Variants in ABCA13 observed in about 807,000 individuals in gnomAD.
ABCA13 encodes ATP-binding cassette sub-family A member 13.
Under a neutral mutation model 478.7 loss-of-function variants are expected in ABCA13, and 476 were observed. The observed-to-expected ratio is 0.99, with a 90% confidence interval of 0.92 to 1.07. ABCA13 has a LOEUF of 1.07. Among genes scored for constraint, ABCA13 ranks in the 50% least tolerant of loss-of-function variants. The probability of loss-of-function intolerance (pLI) is 0.00; values close to 1 mark genes in which losing one functional copy is unlikely to be tolerated. For missense variants in ABCA13, 6,060 were observed against 5,910.6 expected, an observed-to-expected ratio of 1.03 and a Z score of -0.83; for synonymous variants, 2,252 against 2,158.9, an observed-to-expected ratio of 1.04 and a Z score of -1.20.
chr7:48,417,042 T>C (rs1296049250), intron 41 of ABCA13, among the ~76,000 whole-genome samples: 1 of 152,182 alleles, frequency 6.6e-6, no homozygotes, highest in Non-Finnish European at 1.5e-5. Context: ...TAATTTCTTT[T>C]ACAAAAATGT....
intron 42 of ABCA13, among the ~76,000 whole-genome samples, chr7:48,428,870 G>T (rs544657885): frequency 6.6e-6 from 1 of 152,192 alleles, no homozygotes; most frequent in South Asian, 2.1e-4. Flanking sequence ...TCAGAGTTCT[G>T]CATTCATCAC....
At chr7:48,321,365 G>C (rs548269119) in intron 27 of ABCA13, among the ~76,000 whole-genome samples, 1 of 152,152 alleles carries the variant, frequency 6.6e-6, no homozygotes, top group African/African-American at 2.4e-5. Context: ...GGGAAGAGAA[G>C]GATGAAAGTA....
At chr7:48,344,059 T>C (rs1445311209) in intron 29 of ABCA13, among the ~76,000 whole-genome samples, 5 of 152,254 alleles carry the variant, frequency 3.3e-5, no homozygotes, top group Non-Finnish European at 5.9e-5. Flanking sequence ...GGTGATATTA[T>C]GTGTGAAGCA....
chr7:48,291,312 G>T (rs1280514708), intron 20 of ABCA13, among the ~76,000 whole-genome samples: 6 of 152,182 alleles, frequency 3.9e-5, no homozygotes, highest in Non-Finnish European at 7.3e-5. Flanking sequence ...AGACGGGCTT[G>T]AGCTGAGCAC....
At chr7:48,493,171 C>T (rs910389681) in intron 48 of ABCA13, among the ~76,000 whole-genome samples, 1 of 152,084 alleles carries the variant, frequency 6.6e-6, no homozygotes, top group African/African-American at 2.4e-5. Context: ...GTTTATACTA[C>T]TGATGTTTGT....
rs1796031174 is a variant in ABCA13 at position 48,274,473 on chromosome 7, T to C, written c.4807T>C (p.Tyr1603His). The change falls in exon 17 of 62, where the codon TAC becomes CAC. Residue 1603 changes from tyrosine to histidine, a missense_variant. Physicochemically the swap from Tyr to His is moderately conservative, Grantham distance 83. Coordinates refer to ENST00000435803, the MANE Select transcript of ABCA13 (RefSeq NM_152701.5). ...VGNSIYHLAS[Y>H]LAFSLSHDLQ... The stretch of plus-strand genomic sequence containing the variant: ...CAATTCCATTTATCACTTAGCTAGT[T>C]ACCTTGCCTTCAGCTTATCTCATGA... 1.2e-6 allele frequency: 2 copies of C among 1,613,800 alleles called. No homozygotes were observed. The highest frequency in any genetic ancestry group is 1.7e-6 in the Non-Finnish European group (2 of 1,179,842).
chr7:48,379,222 T>A (rs149359000), intron 35 of ABCA13, among the ~76,000 whole-genome samples: 4 of 152,366 alleles, frequency 2.6e-5, no homozygotes, highest in African/African-American at 9.6e-5. Flanking sequence ...ATTTGCATAT[T>A]CTTAAATTGC....
intron 59 of ABCA13, among the ~76,000 whole-genome samples, chr7:48,640,558 G>A (rs781273268): frequency 4.1e-4 from 62 of 152,008 alleles, no homozygotes; most frequent in Non-Finnish European, 6.9e-4. Context: ...TTTAATCACC[G>A]ATTATACAAA....
chr7:48,521,266 G>A (rs62447315), intron 53 of ABCA13, among the ~76,000 whole-genome samples: 6 of 152,126 alleles, frequency 3.9e-5, no homozygotes, highest in Admixed American at 6.5e-5. Flanking sequence ...ATGTATTTCC[G>A]TCTGACCTCT....
intron 20 of ABCA13, among the ~76,000 whole-genome samples, chr7:48,293,035 A>G (rs937101528): frequency 1.2e-4 from 18 of 152,228 alleles, no homozygotes; most frequent in Admixed American, 7.9e-4. Context: ...ACAATAATAG[A>G]TGAATTAGAG....
Position 48,412,482 on chromosome 7 carries a change from A to G in ABCA13, c.12358A>G (p.Thr4120Ala). 6.2e-7 allele frequency: 1 copy of G among 1,613,684 alleles called. No individual in the cohort carries two copies. The highest frequency in any genetic ancestry group is 1.3e-5 in the African/African-American group (1 of 74,944). Residue 4120 changes from threonine (T) to alanine (A), a missense_variant, in exon 41 of 62, where the codon ACA (threonine) becomes GCA (alanine). Thr to Ala is a moderately conservative substitution (Grantham distance 58). Around this residue, in one of 3 missense-constraint regions of ABCA13, gnomAD observed 1,627 missense variants for 1,571.0 expected, o/e 1.04. Coordinates refer to ENST00000435803, the MANE Select transcript of ABCA13 (RefSeq NM_152701.5). Reference sequence around the variant, plus strand: ...GCTGACCTACACCATTCCAAAGGACACAGACAAGGCCTGCTTGAAAGGGCT... The same window carrying G: ...GCTGACCTACACCATTCCAAAGGACGCAGACAAGGCCTGCTTGAAAGGGCT... ...SELTYTIPKDTDKACLKGLFQ... is the reference protein window; with the variant it reads ...SELTYTIPKDADKACLKGLFQ...
chr7:48,413,256 C>T (rs1819520044), intron 41 of ABCA13, among the ~76,000 whole-genome samples: 1 of 152,194 alleles, frequency 6.6e-6, no homozygotes, highest in Admixed American at 6.5e-5. Context: ...CTGGGAGTCT[C>T]TGGCCCCATG....
chr7:48,264,831 G>C (rs767150199), intron 15 of ABCA13, among the ~76,000 whole-genome samples: 1 of 151,566 alleles, frequency 6.6e-6, no homozygotes, highest in Non-Finnish European at 1.5e-5. Flanking sequence ...TGCTTTTGGT[G>C]TTGTAGCTAA....
At position 48,240,984 on chromosome 7, in the gene ABCA13, G is replaced by T. The variant is rs1235297497; in HGVS notation, c.1180G>T (p.Glu394Ter). The change falls in exon 10 of 62, where the codon GAA (glutamate) becomes TAA (stop). Residue 394 changes from glutamate to a stop codon, truncating the protein, a stop_gained. Coordinates refer to ENST00000435803, the MANE Select transcript of ABCA13 (RefSeq NM_152701.5). LOFTEE classifies it high-confidence loss of function. ...EEESKPWKVV[E>*]ALHTALLLLN... ...AGAGAGCAAGCCCTGGAAGGTGGTG[G>T]AAGCTCTGCACACTGCACTGCTCCT... 13 of 1,613,994 alleles carry T rather than the reference G, an allele frequency of 8.1e-6. No homozygotes were observed. In the East Asian group the frequency reaches 2.9e-4, roughly 36 times the overall value.
At chr7:48,171,639 C>A in intron 1 of ABCA13, 87 bp downstream of exon 1, 1 of 1,419,220 alleles carries the variant, frequency 7.0e-7, no homozygotes, top group Non-Finnish European at 9.6e-7. Context: ...CCTCTGCCTC[C>A]TGGCAGGTAA....
In ABCA13 at chr7:48,516,081, A is replaced by G. The variant is rs566789619; in HGVS notation, c.13641-644A>G. ...GTCTTTGAAAAATACCGTGGAATGT[A>G]TTATGTAAAGTTCATTTCTGTTCAC... On this transcript the variant is annotated intron_variant, in intron 51 of 61. Transcript: ENST00000435803. 2.6e-5 allele frequency among the ~76,000 whole-genome samples: 4 copies of G among 152,244 alleles called. No homozygotes were observed. In the East Asian group the frequency reaches 7.7e-4, roughly 29 times the overall value.
intron 48 of ABCA13, among the ~76,000 whole-genome samples, chr7:48,503,444 C>T (rs749259941): frequency 2.0e-5 from 3 of 152,184 alleles, no homozygotes; most frequent in Non-Finnish European, 4.4e-5. Context: ...CTCCCCATTG[C>T]CTCTTTCCCC....
Position 48,506,582 on chromosome 7 carries a change from A to T in ABCA13, c.13346+192A>T, listed in dbSNP as rs565702605. Among the ~76,000 whole-genome samples, 6 of 152,334 alleles carry T rather than the reference A, an allele frequency of 3.9e-5. No homozygotes were observed. In the South Asian group the frequency reaches 1.2e-3, roughly 32 times the overall value. The stretch of plus-strand genomic sequence containing the variant: ...AAAAACGACTATTAAGAGAGTCAGT[A>T]CATTGACTGAGCTTAAAACAGATGA... On this transcript the variant is annotated intron_variant, in intron 49 of 61. Transcript: ENST00000435803.
rs1050945224 is a variant in ABCA13, at chr7:48,506,325, G to A, written c.13292-11G>A. The A allele has an allele frequency of 1.2e-6, 2 of 1,613,602 alleles. No homozygotes were observed. Among genetic ancestry groups the A allele is most frequent in the Admixed American group, 1.7e-5 (1 of 59,992 alleles). On this transcript the variant is annotated splice_polypyrimidine_tract_variant and intron_variant, in intron 48 of 61. Coordinates refer to ENST00000435803, the MANE Select transcript of ABCA13 (RefSeq NM_152701.5). The stretch of plus-strand genomic sequence containing the variant: ...AGGCTGAAGGCTCACTTTTCAATTT[G>A]TCTTTCACAGGAATAACACTCTACA...
Sources: allele counts gnomAD v4.1 joint callset (sites outside exome capture counted in the v4.1 genomes callset), GRCh38; gene constraint gnomAD v4.1.1; regional missense constraint gnomAD v4.1.1; transcripts MANE v1.5; gene names NCBI Gene and HGNC (gene_info 2026-07-23, HGNC 2026-07-21).